Variants in MICU2 observed in about 807,000 individuals in gnomAD.
MICU2 encodes mitochondrial calcium uptake 2, also known as calcium uptake protein 2, mitochondrial.
A neutral mutation model predicts 60.4 loss-of-function variants in MICU2; 64 were observed. The ratio of observed to expected loss-of-function variants is 1.06; its 90% CI spans 0.87 to 1.31. The LOEUF is 1.31. Among genes scored for constraint, MICU2 ranks in the 50% most tolerant of loss-of-function variants. The pLI, the probability that MICU2 is intolerant of heterozygous loss-of-function variation, is 0.00. For missense variants in MICU2, 569 were observed against 531.0 expected, an observed-to-expected ratio of 1.07 and a Z score of -0.70; for synonymous variants, 201 against 175.0, an observed-to-expected ratio of 1.15 and a Z score of -1.17.
At chr13:21,539,496 C>T (rs2798281) in intron 3 of MICU2, 119 bp from the exon 4 acceptor site, 879,254 of 1,275,548 alleles carry the variant, frequency 0.69, 311,093 homozygotes, top group Middle Eastern at 0.73. Context: ...AGACACAGGG[C>T]TTCACTGTGT....
rs111281398 is a variant in MICU2, at chr13:21,495,144, T to TA, written c.1200+16dup. On this transcript the variant is annotated intron_variant, in intron 11 of 11. Coordinates refer to ENST00000382374, the MANE Select transcript of MICU2 (RefSeq NM_152726.3). ...AATGACAATGTAAACATGTATTATA[T>TA]AAAAAAAATCTGTTACCCATAAACC... The TA allele has an allele frequency of 1.6e-5, 25 of 1,585,302 alleles. No individual in the cohort carries two copies. Among genetic ancestry groups the TA allele is most frequent in the Admixed American group, 1.3e-4 (7 of 54,336 alleles).
chr13:21,545,686 G>C (rs368851955), intron 2 of MICU2, among the ~76,000 whole-genome samples: 7 of 151,864 alleles, frequency 4.6e-5, no homozygotes, highest in East Asian at 1.9e-4. Context: ...AAAAAAAAAG[G>C]GTTGATATCA....
chr13:21,588,140 G>A (rs928382194), intron 1 of MICU2, among the ~76,000 whole-genome samples: 6 of 152,208 alleles, frequency 3.9e-5, no homozygotes, highest in Middle Eastern at 3.4e-3. Flanking sequence ...TGCCCCAACC[G>A]GTTTTTGTAA....
At chr13:21,601,225 T>G (rs182655298) in intron 1 of MICU2, among the ~76,000 whole-genome samples, 1 of 152,224 alleles carries the variant, frequency 6.6e-6, no homozygotes, top group Non-Finnish European at 1.5e-5. Context: ...TTCTGGTATA[T>G]ATCTAGCTCA....
At chr13:21,603,844 CG>C (rs1310107780) in intron 1 of MICU2, 94 bp downstream of exon 1, 2 of 1,372,668 alleles carry the variant, frequency 1.5e-6, no homozygotes, top group East Asian at 5.2e-5. Flanking sequence ...CCCACGGCTC[CG>C]GGAGAGCCGC....
chr13:21,493,266 C>T lies in MICU2; in HGVS notation c.1288G>A (p.Gly430Arg). The change falls in exon 12 of 12, where the codon GGA becomes AGA. Residue 430 changes from glycine to arginine, a missense_variant. Physicochemically the swap from Gly to Arg is moderately radical, Grantham distance 125. Coordinates refer to ENST00000382374, the MANE Select transcript of MICU2 (RefSeq NM_152726.3). ...ATCTTTTATTAAAAAAGACCTTTTC[C>T]AGCTTGTTTCCAGACTTCTTTTACT... Reference protein sequence around the residue: ...KGVKEVWKQAGKGLF With the variant: ...KGVKEVWKQARKGLF 1 of 1,604,272 alleles carries T rather than the reference C, an allele frequency of 6.2e-7. No individual in the cohort carries two copies. The highest frequency in any genetic ancestry group is 8.5e-7 in the Non-Finnish European group (1 of 1,176,120).
intron 6 of MICU2, among the ~76,000 whole-genome samples, chr13:21,517,857 A>C (rs932623843): frequency 1.1e-4 from 17 of 152,080 alleles, no homozygotes; most frequent in African/African-American, 4.1e-4. Flanking sequence ...AAGATCATGG[A>C]AGTGAAAAAA....
chr13:21,589,783 C>A (rs532178154), intron 1 of MICU2, among the ~76,000 whole-genome samples: 25 of 131,698 alleles, frequency 1.9e-4, no homozygotes, highest in Admixed American at 1.4e-3. Flanking sequence ...ACCACTCACC[C>A]CGTAGTGCAC....
intron 1 of MICU2, among the ~76,000 whole-genome samples, chr13:21,592,268 A>C (rs1888600187): frequency 6.6e-6 from 1 of 152,240 alleles, no homozygotes; most frequent in African/African-American, 2.4e-5. Context: ...ATCTAGAAGA[A>C]ATGGATAAAT....
At chr13:21,528,105 T>A (rs550867189) in intron 4 of MICU2, among the ~76,000 whole-genome samples, 123 of 152,262 alleles carry the variant, frequency 8.1e-4, no homozygotes, top group African/African-American at 2.6e-3. Flanking sequence ...ATGCTCAGTT[T>A]AAAAAATATA....
At chr13:21,562,027 C>T (rs539858096) in intron 2 of MICU2, among the ~76,000 whole-genome samples, 2 of 150,886 alleles carry the variant, frequency 1.3e-5, no homozygotes, top group Non-Finnish European at 3.0e-5. Flanking sequence ...CATGTCCCTA[C>T]AAAGGACATG....
chr13:21,533,732 T>A (rs1887063346), intron 4 of MICU2, among the ~76,000 whole-genome samples: 1 of 151,910 alleles, frequency 6.6e-6, no homozygotes, highest in African/African-American at 2.4e-5. Context: ...TTGAAATAAC[T>A]GTATACCACA....
chr13:21,564,100 T>G (rs1275886330), intron 2 of MICU2, among the ~76,000 whole-genome samples: 1 of 152,248 alleles, frequency 6.6e-6, no homozygotes, highest in African/African-American at 2.4e-5. Flanking sequence ...TTGGAGCCCT[T>G]AGCATATTAA....
At chr13:21,583,113 G>C (rs1888382321) in intron 1 of MICU2, among the ~76,000 whole-genome samples, 1 of 152,044 alleles carries the variant, frequency 6.6e-6, no homozygotes, top group Non-Finnish European at 1.5e-5. Flanking sequence ...AAACAAAAAG[G>C]CTGGGCTAGC....
chr13:21,552,375 A>C (rs1887593408), intron 2 of MICU2, among the ~76,000 whole-genome samples: 1 of 152,070 alleles, frequency 6.6e-6, no homozygotes, highest in Admixed American at 6.6e-5. Flanking sequence ...CCCATTCTGT[A>C]GGTTGCCTGT....
intron 7 of MICU2, among the ~76,000 whole-genome samples, chr13:21,513,895 C>G (rs1886496669): frequency 6.6e-6 from 1 of 151,630 alleles, no homozygotes; most frequent in African/African-American, 2.4e-5. Context: ...CTTATATATA[C>G]ATAAAATCTC....
intron 1 of MICU2, among the ~76,000 whole-genome samples, chr13:21,580,970 C>T (rs2138057514): frequency 6.6e-6 from 1 of 152,096 alleles, no homozygotes; most frequent in South Asian, 2.1e-4. Context: ...TGTACAGAGT[C>T]AGAACAAAAG....
chr13:21,513,297 A>C (rs546930343), intron 7 of MICU2, among the ~76,000 whole-genome samples: 1 of 152,272 alleles, frequency 6.6e-6, no homozygotes, highest in South Asian at 2.1e-4. Context: ...GAGTAGCAAG[A>C]ATGGACATCC....
intron 1 of MICU2, among the ~76,000 whole-genome samples, chr13:21,595,173 CTG>C (rs1444865488): frequency 6.6e-6 from 1 of 152,172 alleles, no homozygotes; most frequent in South Asian, 2.1e-4. Context: ...CTCTCTAGAA[CTG>C]TATACCGGCT....
Sources: allele counts gnomAD v4.1 joint callset (sites outside exome capture counted in the v4.1 genomes callset), GRCh38; gene constraint gnomAD v4.1.1; transcripts MANE v1.5; gene names NCBI Gene and HGNC (gene_info 2026-07-23, HGNC 2026-07-21).